The following CELF2 variants were observed in gnomAD, a reference collection of about 807,000 sequenced individuals.
CELF2 encodes the protein CUG triplet repeat RNA-binding protein 2.
Under a neutral mutation model 62.6 loss-of-function variants are expected in CELF2, and 8 were observed. The observed-to-expected ratio is 0.13, with a 90% CI of 0.07 to 0.23. CELF2 has a LOEUF of 0.23. Among genes scored for constraint, CELF2 ranks in the 10% least tolerant of loss-of-function variants. CELF2 has a pLI of 1.00. For synonymous variants in CELF2, 258 were observed against 250.0 expected, an observed-to-expected ratio of 1.03 and a Z score of -0.30; for missense variants, 333 against 671.0, an observed-to-expected ratio of 0.50 and a Z score of 5.56.
chr10:10,812,313 G>A (rs547397734), intron 1 of CELF2, among the ~76,000 whole-genome samples: 7 of 152,184 alleles, frequency 4.6e-5, no homozygotes, highest in South Asian at 2.1e-4. Context: ...CCATGAGAAC[G>A]GTATGGGTGA....
At chr10:11,007,784 C>A (rs893890366) in intron 1 of CELF2, among the ~76,000 whole-genome samples, 9 of 152,134 alleles carry the variant, frequency 5.9e-5, no homozygotes, top group African/African-American at 2.2e-4. Flanking sequence ...AGGAAAGTAG[C>A]CTTCTGTGCT....
intron 1 of CELF2, among the ~76,000 whole-genome samples, chr10:10,883,291 T>C (rs1325146994): frequency 1.3e-5 from 2 of 152,260 alleles, no homozygotes; most frequent in Non-Finnish European, 2.9e-5. Flanking sequence ...AGCTACATTG[T>C]ATTTACTTTT....
intron 1 of CELF2, among the ~76,000 whole-genome samples, chr10:11,100,845 C>T (rs1185369657): frequency 6.6e-6 from 1 of 152,200 alleles, no homozygotes; most frequent in African/African-American, 2.4e-5. Flanking sequence ...GTCTCCCATA[C>T]CAGCTCTCTG....
In CELF2 at chr10:11,255,604, C is replaced by T. The variant is rs981480880; in HGVS notation, c.404-2134C>T. ...GAATCGTGCCTTTCAACTTGTATTC[C>T]TTGGAGCCCTAGAGTTTCTGCGGTG... On this transcript the variant is annotated intron_variant, in intron 4 of 12. Coordinates refer to ENST00000633077, the MANE Select transcript of CELF2 (RefSeq NM_001326342.2). The surrounding 1 kb of genome is among the most constrained non-coding windows in gnomAD (Gnocchi z 5.5). Among the ~76,000 whole-genome samples the T allele has an allele frequency of 3.3e-5, 5 of 152,152 alleles. No individual in the cohort carries two copies. The highest frequency in any genetic ancestry group is 3.4e-3 in the Middle Eastern group (1 of 294).
the CELF2 span, among the ~76,000 whole-genome samples, chr10:10,530,448 T>C: frequency 6.6e-6 from 1 of 152,230 alleles, no homozygotes; most frequent in African/African-American, 2.4e-5. Flanking sequence ...TAGTAAACGT[T>C]ATCAATCTGT....
At chr10:11,279,685 A>C (rs2087562327) in intron 8 of CELF2, among the ~76,000 whole-genome samples, 1 of 152,238 alleles carries the variant, frequency 6.6e-6, no homozygotes. Flanking sequence ...ACAATAAGAC[A>C]CAAAATTACC....
Position 11,261,732 on chromosome 10 carries a change from A to G in CELF2, c.538+3860A>G, listed in dbSNP as rs190833669. ...GCTTTCAAGCAACTTTGGGATGCTC[A>G]GCACCTTCTGCAGCAGCTGCTCAGC... On this transcript the variant is annotated intron_variant, in intron 5 of 12. Transcript: ENST00000633077. 3.9e-5 allele frequency among the ~76,000 whole-genome samples: 6 copies of G among 152,346 alleles called. No homozygotes were observed. In the East Asian group the frequency reaches 9.6e-4, roughly 24 times the overall value.
rs2133926538 is a variant in CELF2 at position 11,178,309 on chromosome 10, AGGTGGCGCT to A, written c.271+12630_271+12638del. 6.6e-6 allele frequency among the ~76,000 whole-genome samples: 1 copy of A among 152,342 alleles called. No individual in the cohort carries two copies. Among genetic ancestry groups the A allele is most frequent in the Non-Finnish European group, 1.5e-5 (1 of 68,022 alleles). On this transcript the variant is annotated intron_variant, in intron 2 of 12. Transcript: ENST00000633077. The surrounding 1 kb of genome is among the most constrained non-coding windows in gnomAD (Gnocchi z 4.3). ...TTACACAGGCCACCATACAGCTGCCAGGTGGCGCTGGCTCTTAGCTGTTCTGCAAGTCCA... is the reference window on the plus strand; with the variant it reads ...TTACACAGGCCACCATACAGCTGCCAGGCTCTTAGCTGTTCTGCAAGTCCA...
chr10:10,633,080 A>G, the CELF2 span, among the ~76,000 whole-genome samples: 2 of 152,162 alleles, frequency 1.3e-5, no homozygotes, highest in African/African-American at 4.8e-5. Context: ...TTATTTTTCA[A>G]TGTTATTACT....
the CELF2 span, among the ~76,000 whole-genome samples, chr10:10,699,480 G>A: frequency 6.6e-6 from 1 of 152,230 alleles, no homozygotes; most frequent in Non-Finnish European, 1.5e-5. Context: ...AATTGTCTCA[G>A]CACTGTATGG....
the CELF2 span, among the ~76,000 whole-genome samples, chr10:10,552,229 G>GAAC: frequency 6.6e-6 from 1 of 152,166 alleles, no homozygotes; most frequent in Non-Finnish European, 1.5e-5. Flanking sequence ...TTGGGTTGAG[G>GAAC]AACAGTTAGG....
chr10:10,757,147 C>T, the CELF2 span, among the ~76,000 whole-genome samples: 1 of 151,320 alleles, frequency 6.6e-6, no homozygotes, highest in African/African-American at 2.4e-5. Context: ...GTCTCAAAAA[C>T]AAAACACACA....
the CELF2 span, chr10:10,792,517 TGAG>T: frequency 2.5e-6 from 1 of 398,102 alleles, no homozygotes; most frequent in Non-Finnish European, 4.4e-6. Flanking sequence ...TAAAAACAGA[TGAG>T]GAGTCCTGTT....
chr10:10,917,261 G>A (rs2134574349), intron 1 of CELF2, among the ~76,000 whole-genome samples: 1 of 152,302 alleles, frequency 6.6e-6, no homozygotes, highest in African/African-American at 2.4e-5. Context: ...GTGAGTGAAG[G>A]ATGTTGGTCA....
intron 4 of CELF2, among the ~76,000 whole-genome samples, chr10:11,250,193 C>A (rs2076727740): frequency 6.6e-6 from 1 of 152,194 alleles, no homozygotes; most frequent in Admixed American, 6.5e-5. Context: ...GCTGCCAGCA[C>A]CCGACTTGTC....
chr10:10,842,944 G>A (rs1322874691), intron 1 of CELF2, among the ~76,000 whole-genome samples: 1 of 152,016 alleles, frequency 6.6e-6, no homozygotes, highest in Non-Finnish European at 1.5e-5. Flanking sequence ...GGAGGTGGAG[G>A]AAGAAAGGTT....
the CELF2 span, among the ~76,000 whole-genome samples, chr10:10,728,350 G>C: frequency 6.6e-6 from 1 of 150,946 alleles, no homozygotes; most frequent in Non-Finnish European, 1.5e-5. Flanking sequence ...CTACTCAGGA[G>C]GTTGAGGCAG....
rs2094124356 is a variant in CELF2 at position 11,305,384 on chromosome 10, C to T, written c.977-8755C>T. On this transcript the variant is annotated intron_variant, in intron 9 of 12. Transcript: ENST00000633077. This position sits in a 1 kb window ranked among gnomAD's most constrained non-coding sequence, Gnocchi z 4.8. ...TGGGTGCCGGCGCCCATCCTGCATC[C>T]CTCACGGGTACACCGGGGCCAGTCC... Among the ~76,000 whole-genome samples, 1 of 152,194 alleles carries T rather than the reference C, an allele frequency of 6.6e-6. No homozygotes were observed. The highest frequency in any genetic ancestry group is 2.1e-4 in the South Asian group (1 of 4,834).
intron 2 of CELF2, among the ~76,000 whole-genome samples, chr10:11,166,069 G>C (rs1438632156): frequency 1.3e-5 from 2 of 152,226 alleles, no homozygotes; most frequent in Non-Finnish European, 2.9e-5. Context: ...TACGTTCCTA[G>C]GCTTGCCCAT....
Sources: allele counts gnomAD v4.1 joint callset (sites outside exome capture counted in the v4.1 genomes callset), GRCh38; gene constraint gnomAD v4.1.1; non-coding constraint Gnocchi (gnomAD v3.1); transcripts MANE v1.5; gene names NCBI Gene and HGNC (gene_info 2026-07-23, HGNC 2026-07-21).